ZDHHC6: variants seen among roughly 807,000 people sequenced by gnomAD.
ZDHHC6 encodes palmitoyltransferase ZDHHC6.
Under a neutral mutation model 57.8 loss-of-function variants are expected in ZDHHC6, and 32 were observed. The observed-to-expected ratio is 0.55, with a 90% CI of 0.42 to 0.74. The LOEUF (loss-of-function observed/expected upper bound fraction) is 0.74, where lower values mean the gene tolerates loss of function less well. ZDHHC6 is among the 30% of genes least tolerant of loss of function. The pLI, the probability that ZDHHC6 is intolerant of heterozygous loss-of-function variation, is 0.00. For missense variants in ZDHHC6, 433 were observed against 500.7 expected, an observed-to-expected ratio of 0.86 and a Z score of 1.29; for synonymous variants, 128 against 158.0, an observed-to-expected ratio of 0.81 and a Z score of 1.42.
At chr10:112,447,036 A>C, upstream of ZDHHC6, 2 of 285,380 alleles carry the variant, frequency 7.0e-6, no homozygotes, top group South Asian at 7.0e-5. Flanking sequence ...CGATTCCCAG[A>C]ACACGAAGGG....
intron 6 of ZDHHC6, among the ~76,000 whole-genome samples, chr10:112,436,641 T>G (rs1402453280): frequency 6.6e-6 from 1 of 152,214 alleles, no homozygotes; most frequent in Admixed American, 6.5e-5. Context: ...TTCATAATAA[T>G]ACTGAAATGT....
chr10:112,426,883 A>G, downstream of ZDHHC6: 1 of 1,555,832 alleles, frequency 6.4e-7, no homozygotes, highest in East Asian at 2.2e-5. Flanking sequence ...CTGATGTTAT[A>G]CTGGCCTCTT....
downstream of ZDHHC6, chr10:112,427,493 T>A: frequency 1.3e-6 from 1 of 787,614 alleles, no homozygotes; most frequent in Non-Finnish European, 1.9e-6. Context: ...ATAGCTTTTG[T>A]TTTATATTGA....
downstream of ZDHHC6, among the ~76,000 whole-genome samples, chr10:112,428,777 AAAAAACAAAAAC>A (rs1844838475): frequency 6.6e-6 from 1 of 152,010 alleles, no homozygotes; most frequent in South Asian, 2.1e-4. Flanking sequence ...TCTCAAAAAA[AAAAAACAAAAAC>A]AAAACAAAAA....
intron 8 of ZDHHC6, 103 bp from the exon 9 acceptor site, chr10:112,432,624 C>G: frequency 1.4e-6 from 2 of 1,426,636 alleles, no homozygotes; most frequent in Non-Finnish European, 9.4e-7. Context: ...TATCCAGTGA[C>G]AAGCCTTCTA....
chr10:112,426,236 A>G (rs1844700080), downstream of ZDHHC6: 1 of 1,597,816 alleles, frequency 6.3e-7, no homozygotes, highest in Non-Finnish European at 8.6e-7. Flanking sequence ...ATGCCCTTGC[A>G]CCTTTTATTT....
chr10:112,445,909 A>G (rs1288911875), intron 1 of ZDHHC6, among the ~76,000 whole-genome samples: 3 of 152,200 alleles, frequency 2.0e-5, no homozygotes, highest in African/African-American at 7.2e-5. Flanking sequence ...TTGTCAGGGG[A>G]CTGTCACCAT....
intron 8 of ZDHHC6, 106 bp from the exon 9 acceptor site, chr10:112,432,627 G>T: frequency 1.4e-6 from 2 of 1,394,204 alleles, no homozygotes. Context: ...CCAGTGACAA[G>T]CCTTCTAGTT....
intron 3 of ZDHHC6, 135 bp downstream of exon 3, chr10:112,443,380 A>C: frequency 1.6e-6 from 1 of 626,790 alleles, no homozygotes; most frequent in Non-Finnish European, 2.7e-6. Context: ...TTATGGACAC[A>C]AGTATTCTGA....
At chr10:112,427,069 TAAA>T (rs1300417092), downstream of ZDHHC6, 1 of 947,296 alleles carries the variant, frequency 1.1e-6, no homozygotes. Flanking sequence ...ATTACTTTCT[TAAA>T]TTATGTTTGT....
At position 112,430,749 on chromosome 10, in the gene ZDHHC6, G is replaced by A; in HGVS notation, c.*55C>T. ...TCATTGCATAATTCTTTAGTAATAT[G>A]TACAATTTTCAAGTAATTAAGCAGA... is the stretch of plus-strand genomic sequence containing the variant. On this transcript the variant is annotated 3_prime_UTR_variant, in exon 11 of 11. Coordinates refer to ENST00000369405, the MANE Select transcript of ZDHHC6 (RefSeq NM_022494.3). 9 of 1,490,314 alleles carry A rather than the reference G, an allele frequency of 6.0e-6. No homozygotes were observed. Among genetic ancestry groups the A allele is most frequent in the Non-Finnish European group, 8.3e-6 (9 of 1,078,618 alleles). 92.3% of individuals were successfully genotyped at this position (1,490,314 alleles called of 1,614,324 possible).
rs1589751607 is a variant in ZDHHC6, at chr10:112,442,486, G to A, written c.360-135C>T. On this transcript the variant is annotated intron_variant, in intron 3 of 10. Transcript: ENST00000369405. Reference sequence around the variant, plus strand: ...CGAGAGAATTATACTTCATGGAACAGAAAGAAAAATCTTTATGAGCTTTTA... The same window carrying A: ...CGAGAGAATTATACTTCATGGAACAAAAAGAAAAATCTTTATGAGCTTTTA... 4.9e-6 allele frequency: 4 copies of A among 810,352 alleles called. No homozygotes were observed. The East Asian group carries it at 1.1e-4, about 23-fold the overall frequency. The allele number at this position is 810,352 out of a possible 1,614,324, so 50.2% of individuals were successfully genotyped here.
At chr10:112,443,656 AGTATGATTCCTACG>A in intron 2 of ZDHHC6, 50 bp from the exon 3 acceptor site, 1 of 1,435,210 alleles carries the variant, frequency 7.0e-7, no homozygotes, top group Non-Finnish European at 9.8e-7. Flanking sequence ...CTTGAATATA[AGTATGATTCCTACG>A]GTATGATTTT....
In ZDHHC6 at chr10:112,439,487, C is replaced by T. The variant is rs188981558; in HGVS notation, c.681+1047G>A. Among the ~76,000 whole-genome samples the T allele has an allele frequency of 2.3e-3, 345 of 151,378 alleles. 2 individuals carry two copies. The highest frequency in any genetic ancestry group is 7.2e-3 in the African/African-American group (297 of 41,230). ...CTCCACTAAAAACACAAAAATTAACCGGGTGTGGTGGCAGGTACCTGTAAT... is the reference window on the plus strand; with the variant it reads ...CTCCACTAAAAACACAAAAATTAACTGGGTGTGGTGGCAGGTACCTGTAAT... On this transcript the variant is annotated intron_variant, in intron 5 of 10. Transcript: ENST00000369405.
intron 4 of ZDHHC6, 34 bp downstream of exon 4, chr10:112,442,158 G>T (rs555514512): frequency 2.6e-6 from 4 of 1,563,036 alleles, no homozygotes; most frequent in Non-Finnish European, 3.5e-6. Flanking sequence ...TTGCATGGAT[G>T]ATTTTATAAC....
rs1845747659 is a variant in ZDHHC6, at chr10:112,438,334, AC to A, written c.735+1del. 1 of 1,325,816 alleles carries A rather than the reference AC, an allele frequency of 7.5e-7. No individual in the cohort carries two copies. Among genetic ancestry groups the A allele is most frequent in the South Asian group, 1.6e-5 (1 of 61,410 alleles). 82.1% of individuals were successfully genotyped at this position (1,325,816 alleles called of 1,614,324 possible). A position where few individuals can be genotyped will look rare whatever the true frequency, so the allele number is the denominator to read the frequency against. ...ATTGAAGAAACAATTATTAAAATTT[AC>A]CTTCTCTTCAATCCATGACTCAATA... On this transcript the variant is annotated splice_donor_variant, in intron 6 of 10. Transcript: ENST00000369405. LOFTEE classifies it high-confidence loss of function.
At chr10:112,425,327 G>T, downstream of ZDHHC6, 2 of 1,603,158 alleles carry the variant, frequency 1.2e-6, no homozygotes, top group Non-Finnish European at 1.7e-6. Flanking sequence ...ACTTTTATCT[G>T]TCTCATGTAG....
downstream of ZDHHC6, chr10:112,426,344 A>G (rs376910497): frequency 9.3e-6 from 15 of 1,613,880 alleles, no homozygotes; most frequent in Non-Finnish European, 1.3e-5. Flanking sequence ...CCTTTGAGGA[A>G]CTGTGCCAAA....
intron 4 of ZDHHC6, 63 bp downstream of exon 4, chr10:112,442,129 T>G (rs1846173443): frequency 6.8e-7 from 1 of 1,469,890 alleles, no homozygotes; most frequent in African/African-American, 1.4e-5. Flanking sequence ...TCTTAAATGT[T>G]GATAACTACC....
Sources: allele counts gnomAD v4.1 joint callset (sites outside exome capture counted in the v4.1 genomes callset), GRCh38; gene constraint gnomAD v4.1.1; transcripts MANE v1.5; gene names NCBI Gene and HGNC (gene_info 2026-07-23, HGNC 2026-07-21).